TANC1: variants seen among roughly 807,000 people sequenced by gnomAD.
TANC1 encodes the protein protein TANC1.
A neutral mutation model predicts 149.7 loss-of-function variants in TANC1; 77 were observed. The observed-to-expected ratio is 0.51, with a 90% CI of 0.43 to 0.62. The LOEUF is 0.62. Among genes scored for constraint, TANC1 ranks in the 20% least tolerant of loss-of-function variants. The pLI, the probability that TANC1 is intolerant of heterozygous loss-of-function variation, is 0.00. For missense variants in TANC1, 1,985 were observed against 2,321.8 expected, an observed-to-expected ratio of 0.85 and a Z score of 2.98; for synonymous variants, 854 against 925.0, an observed-to-expected ratio of 0.92 and a Z score of 1.39.
rs575778449 is a variant in TANC1, at chr2:159,217,378, CA to C, written c.3245-116del. On this transcript the variant is annotated intron_variant, in intron 19 of 26. Transcript: ENST00000263635. ...AGCTGTCACAGAGCCCCCGCAGGTT[CA>C]AAGGGGGAGGACATATAGACCCCAT... 34 of 1,335,366 alleles carry C rather than the reference CA, an allele frequency of 2.5e-5. No individual in the cohort carries two copies. The African/African-American group carries it at 4.5e-4, about 18-fold the overall frequency. The allele number at this position is 1,335,366 out of a possible 1,614,324, so 82.7% of individuals were successfully genotyped here. A position where few individuals can be genotyped will look rare whatever the true frequency, so the allele number is the denominator to read the frequency against.
intron 2 of TANC1, among the ~76,000 whole-genome samples, chr2:159,044,904 C>T (rs989059095): frequency 2.6e-5 from 4 of 152,238 alleles, no homozygotes; most frequent in African/African-American, 4.8e-5. Flanking sequence ...AGTTCTCCTG[C>T]CACACCCTGC....
intron 3 of TANC1, among the ~76,000 whole-genome samples, chr2:159,086,895 AT>A (rs1254507137): frequency 3.3e-5 from 5 of 151,214 alleles, no homozygotes; most frequent in Non-Finnish European, 7.4e-5. Flanking sequence ...AAATGTTCAT[AT>A]GGTAAACTGA....
intron 19 of TANC1, among the ~76,000 whole-genome samples, chr2:159,200,399 A>G (rs934983851): frequency 3.9e-5 from 6 of 152,234 alleles, no homozygotes; most frequent in Non-Finnish European, 2.9e-5. Flanking sequence ...AAAGCCTGAC[A>G]TAGGGTGACA....
intron 4 of TANC1, among the ~76,000 whole-genome samples, chr2:159,125,768 AG>A (rs1432591038): frequency 6.6e-6 from 1 of 152,040 alleles, no homozygotes; most frequent in East Asian, 1.9e-4. Flanking sequence ...TTGTATTTTT[AG>A]TAGAGATGGG....
intron 4 of TANC1, among the ~76,000 whole-genome samples, chr2:159,119,717 A>G (rs1021151839): frequency 6.6e-6 from 1 of 151,968 alleles, no homozygotes; most frequent in African/African-American, 2.4e-5. Flanking sequence ...GGCAGCAGGC[A>G]CTCTTAGGAG....
Position 159,227,964 on chromosome 2 carries a change from A to G in TANC1, c.4049A>G (p.Asn1350Ser), listed in dbSNP as rs2060117759. 3.7e-6 allele frequency: 6 copies of G among 1,611,600 alleles called. No individual in the cohort carries two copies. Among genetic ancestry groups the G allele is most frequent in the Non-Finnish European group, 5.1e-6 (6 of 1,179,446 alleles). ...LNLSRCRRKT[N>S]DFGMAEEFAS... ...TTGTCGCGATGCCGAAGAAAAACAA[A>G]TGTAAGCTGTGCCCCTTTATTCCAA... The change falls in exon 25 of 27, where the codon AAT becomes AGT. Residue 1350 changes from asparagine to serine, a missense_variant and splice_region_variant. Coordinates refer to ENST00000263635, the MANE Select transcript of TANC1 (RefSeq NM_033394.3).
chr2:159,227,703 ATGTTCTGTCG>A, intron 24 of TANC1, 106 bp from the exon 25 acceptor site: 1 of 1,138,684 alleles, frequency 8.8e-7, no homozygotes, highest in Non-Finnish European at 1.3e-6. Flanking sequence ...GATGCTTTCA[ATGTTCTGTCG>A]TGGGTTTGCA....
chr2:159,087,929 G>T (rs189467857), intron 3 of TANC1, among the ~76,000 whole-genome samples: 1 of 149,780 alleles, frequency 6.7e-6, no homozygotes, highest in East Asian at 1.9e-4. Flanking sequence ...ATGTGATGAC[G>T]TAGGCAGAGA....
chr2:159,180,310 C>T (rs530869172), intron 14 of TANC1, among the ~76,000 whole-genome samples: 67 of 152,334 alleles, frequency 4.4e-4, no homozygotes, highest in African/African-American at 1.5e-3. Context: ...AGTCAGATTA[C>T]TTTCTAGGGA....
intron 5 of TANC1, among the ~76,000 whole-genome samples, chr2:159,138,403 G>A (rs1420807525): frequency 2.6e-5 from 4 of 152,114 alleles, no homozygotes; most frequent in Admixed American, 6.6e-5. Context: ...TAACAAAGTC[G>A]AACAGGACAA....
At chr2:159,035,201 A>G (rs889530120) in intron 2 of TANC1, among the ~76,000 whole-genome samples, 2 of 152,178 alleles carry the variant, frequency 1.3e-5, no homozygotes, top group Admixed American at 6.5e-5. Context: ...ATAATTCTCT[A>G]TGAAGTTTTT....
intron 8 of TANC1, among the ~76,000 whole-genome samples, chr2:159,167,456 G>C (rs551877599): frequency 2.0e-4 from 30 of 152,332 alleles, no homozygotes; most frequent in African/African-American, 7.0e-4. Flanking sequence ...AGAGAAGCTA[G>C]ACGCTGTCCT....
rs368762329 is a variant in TANC1, at chr2:159,187,039, G to A, written c.2742+15G>A. On this transcript the variant is annotated intron_variant, in intron 16 of 26. Coordinates refer to ENST00000263635, the MANE Select transcript of TANC1 (RefSeq NM_033394.3). Reference sequence around the variant, plus strand: ...CCAACGTGAAGGTGAGCAACCTTCTGCACAGAGAGCCGGAGACCCAGCCCT... The same window carrying A: ...CCAACGTGAAGGTGAGCAACCTTCTACACAGAGAGCCGGAGACCCAGCCCT... The A allele has an allele frequency of 6.6e-5, 107 of 1,613,522 alleles. No individual in the cohort carries two copies. The African/African-American group carries it at 1.3e-3, about 20-fold the overall frequency.
chr2:159,160,910 G>A (rs1401681646), intron 7 of TANC1, among the ~76,000 whole-genome samples: 1 of 152,160 alleles, frequency 6.6e-6, no homozygotes, highest in Non-Finnish European at 1.5e-5. Flanking sequence ...TCCTGCAGCT[G>A]AGCCCTTCCT....
rs995152648 is a variant in TANC1 at position 159,145,942 on chromosome 2, C to G, written c.365-3200C>G. Among the ~76,000 whole-genome samples the G allele has an allele frequency of 9.2e-5, 14 of 152,216 alleles. 1 individual carries two copies. The highest frequency in any genetic ancestry group is 7.8e-4 in the Admixed American group (12 of 15,302). On this transcript the variant is annotated intron_variant, in intron 5 of 26. Coordinates refer to ENST00000263635, the MANE Select transcript of TANC1 (RefSeq NM_033394.3). ...CCCACTGGTATTGGGTAATGTACAC[C>G]CATTATTGATCAGCGATTTAATATT...
At chr2:159,016,811 T>C (rs1479379631) in intron 2 of TANC1, among the ~76,000 whole-genome samples, 1 of 152,164 alleles carries the variant, frequency 6.6e-6, no homozygotes, top group Non-Finnish European at 1.5e-5. Context: ...CCTGACCTTG[T>C]GATCTGCCCG....
At chr2:159,191,961 C>G (rs1285091961) in intron 16 of TANC1, among the ~76,000 whole-genome samples, 2 of 151,970 alleles carry the variant, frequency 1.3e-5, no homozygotes, top group East Asian at 3.9e-4. Context: ...TTGAAAGAAA[C>G]ACACTGGGCA....
chr2:158,973,162 C>G (rs988468659), intron 1 of TANC1, among the ~76,000 whole-genome samples: 1 of 152,184 alleles, frequency 6.6e-6, no homozygotes, highest in Non-Finnish European at 1.5e-5. Context: ...GATTTTAGCA[C>G]AGATTTTTTC....
intron 4 of TANC1, among the ~76,000 whole-genome samples, chr2:159,101,311 GAAC>G (rs2046675563): frequency 6.6e-6 from 1 of 152,154 alleles, no homozygotes; most frequent in East Asian, 1.9e-4. Context: ...AAGACACTCT[GAAC>G]AACACAGCCT....
Sources: allele counts gnomAD v4.1 joint callset (sites outside exome capture counted in the v4.1 genomes callset), GRCh38; gene constraint gnomAD v4.1.1; transcripts MANE v1.5; gene names NCBI Gene and HGNC (gene_info 2026-07-23, HGNC 2026-07-21).